KIAA1671: variants seen among roughly 807,000 people sequenced by gnomAD.
The protein encoded by KIAA1671 is uncharacterized protein KIAA1671.
In KIAA1671, 52 loss-of-function variants were observed where a neutral mutation model predicts 131.2. The ratio of observed to expected loss-of-function variants is 0.40; its 90% confidence interval spans 0.32 to 0.50. The LOEUF is 0.50. Among genes scored for constraint, KIAA1671 ranks in the 20% least tolerant of loss-of-function variants. The probability of loss-of-function intolerance (pLI) is 0.73; values close to 1 mark genes in which losing one functional copy is unlikely to be tolerated. For synonymous variants in KIAA1671, 1,003 were observed against 961.6 expected (o/e 1.04, Z -0.80); for missense variants, 2,360 against 2,364.2 (o/e 1.00, Z 0.04).
At chr22:25,162,198 T>TTA (rs1219374475) in intron 6 of KIAA1671, among the ~76,000 whole-genome samples, 11 of 152,136 alleles carry the variant, frequency 7.2e-5, no homozygotes, top group African/African-American at 2.4e-4. Flanking sequence ...GCCCCTGCCA[T>TTA]TATTGTTACT....
At chr22:25,008,298 G>C (rs919335164) in intron 1 of KIAA1671, among the ~76,000 whole-genome samples, 2 of 151,628 alleles carry the variant, frequency 1.3e-5, no homozygotes, top group African/African-American at 2.4e-5. Flanking sequence ...CCCAGGCCAG[G>C]CCAAGCCCCA....
intron 1 of KIAA1671, among the ~76,000 whole-genome samples, chr22:24,957,101 G>GTC (rs1358482802): frequency 6.6e-6 from 1 of 152,172 alleles, no homozygotes; most frequent in Non-Finnish European, 1.5e-5. Flanking sequence ...TCTATGCTCT[G>GTC]TAAGGGGTGG....
chr22:25,172,451 T>A (rs1933883149), intron 7 of KIAA1671, among the ~76,000 whole-genome samples: 1 of 152,132 alleles, frequency 6.6e-6, no homozygotes, highest in African/African-American at 2.4e-5. Context: ...CTTACAACCC[T>A]AACATCCTCC....
At chr22:25,179,277 C>T in intron 9 of KIAA1671, 1 of 1,558,374 alleles carries the variant, frequency 6.4e-7, no homozygotes, top group East Asian at 2.4e-5. Context: ...AACGTGTTCT[C>T]TCGCAGGATG....
chr22:25,070,439 G>T, intron 6 of KIAA1671: 1 of 457,010 alleles, frequency 2.2e-6, no homozygotes, highest in Non-Finnish European at 4.0e-6. Context: ...GGGCAGTGCA[G>T]GCTCCAGGAC....
intron 10 of KIAA1671, among the ~76,000 whole-genome samples, chr22:25,182,282 C>T (rs1347515169): frequency 6.6e-6 from 1 of 151,252 alleles, no homozygotes; most frequent in African/African-American, 2.4e-5. Context: ...TCCTCCCTCC[C>T]TTCCTACCTC....
chr22:25,097,629 A>C (rs550639847), intron 6 of KIAA1671, among the ~76,000 whole-genome samples: 1 of 151,802 alleles, frequency 6.6e-6, no homozygotes, highest in African/African-American at 2.4e-5. Context: ...AGTCCCAGCT[A>C]CTCGGGAGGC....
At chr22:25,179,377 G>A (rs1934179218) in intron 9 of KIAA1671, 12 of 1,606,134 alleles carry the variant, frequency 7.5e-6, no homozygotes, top group East Asian at 6.8e-5. Context: ...TCCTCGCGCA[G>A]CCGCTCGCGC....
chr22:25,079,992 T>G (rs1929321350), intron 6 of KIAA1671, among the ~76,000 whole-genome samples: 1 of 151,844 alleles, frequency 6.6e-6, no homozygotes. Context: ...CTGGATCTAG[T>G]TGGAAGGTTG....
intron 6 of KIAA1671, among the ~76,000 whole-genome samples, chr22:25,093,201 C>T (rs1489626915): frequency 2.0e-5 from 3 of 152,176 alleles, no homozygotes; most frequent in Admixed American, 2.0e-4. Flanking sequence ...GAGACTGAAA[C>T]TCAGAGGTGC....
chr22:25,177,773 C>G (rs1328299891), intron 9 of KIAA1671, among the ~76,000 whole-genome samples: 3 of 152,134 alleles, frequency 2.0e-5, no homozygotes. Context: ...ATGAGAGCTG[C>G]CACCATGAGT....
intron 9 of KIAA1671, among the ~76,000 whole-genome samples, chr22:25,178,933 C>T (rs1436849841): frequency 2.0e-5 from 3 of 152,220 alleles, no homozygotes; most frequent in Non-Finnish European, 1.5e-5. Flanking sequence ...GGGGCGCCGG[C>T]TCAGAGGACC....
intron 6 of KIAA1671, among the ~76,000 whole-genome samples, chr22:25,118,602 T>C (rs1931791251): frequency 1.3e-5 from 2 of 152,102 alleles, no homozygotes; most frequent in Non-Finnish European, 2.9e-5. Flanking sequence ...ACGTATCTTT[T>C]TAGGGGCCAC....
chr22:25,004,899 TGG>T (rs2123867372), intron 1 of KIAA1671, among the ~76,000 whole-genome samples: 1 of 151,198 alleles, frequency 6.6e-6, no homozygotes, highest in South Asian at 2.1e-4. Flanking sequence ...TGAGCTGAGA[TGG>T]CACCTCTGCA....
chr22:25,167,776 T>C (rs1336613660), intron 6 of KIAA1671, among the ~76,000 whole-genome samples: 2 of 152,172 alleles, frequency 1.3e-5, no homozygotes, highest in African/African-American at 4.8e-5. Flanking sequence ...ATTCCCGTCC[T>C]TGTATACACC....
chr22:25,162,967 T>C (rs1445631569), intron 6 of KIAA1671, among the ~76,000 whole-genome samples: 2 of 152,220 alleles, frequency 1.3e-5, no homozygotes, highest in Non-Finnish European at 2.9e-5. Context: ...TGTGTACATA[T>C]ACTCCCATTT....
At chr22:25,177,959 C>T (rs1319153249) in intron 9 of KIAA1671, among the ~76,000 whole-genome samples, 3 of 152,094 alleles carry the variant, frequency 2.0e-5, no homozygotes, top group Admixed American at 1.3e-4. Flanking sequence ...AGGATCCTCC[C>T]GTGGTCCCTG....
intron 3 of KIAA1671, among the ~76,000 whole-genome samples, chr22:25,030,283 T>TCC (rs1926212819): frequency 6.6e-6 from 1 of 152,146 alleles, no homozygotes; most frequent in Non-Finnish European, 1.5e-5. Flanking sequence ...ATGCCTGTAA[T>TCC]CCCAGCACTT....
intron 1 of KIAA1671, among the ~76,000 whole-genome samples, chr22:24,963,782 T>C (rs1261043954): frequency 6.6e-6 from 1 of 151,144 alleles, no homozygotes; most frequent in Non-Finnish European, 1.5e-5. Context: ...CTACTAAAAA[T>C]ACAAAAAATT....
Sources: allele counts gnomAD v4.1 joint callset (sites outside exome capture counted in the v4.1 genomes callset), GRCh38; gene constraint gnomAD v4.1.1; transcripts MANE v1.5; gene names NCBI Gene and HGNC (gene_info 2026-07-23, HGNC 2026-07-21).